NRXN1: variants seen among roughly 807,000 people sequenced by gnomAD.
The protein encoded by NRXN1 is neurexin-1.
In NRXN1, 39 loss-of-function variants were observed where a neutral mutation model predicts 150.9. The ratio of observed to expected loss-of-function variants is 0.26; its 90% CI spans 0.20 to 0.34. The LOEUF (loss-of-function observed/expected upper bound fraction) is 0.34. NRXN1 is among the 10% of genes least tolerant of loss of function. NRXN1 has a pLI of 1.00. For missense variants in NRXN1, 1,815 were observed against 1,949.9 expected (o/e 0.93, Z 1.30); for synonymous variants, 924 against 757.0 (o/e 1.22, Z -3.62).
At chr2:50,476,118 C>T (rs1431500675) in intron 15 of NRXN1, among the ~76,000 whole-genome samples, 2 of 152,106 alleles carry the variant, frequency 1.3e-5, no homozygotes, top group East Asian at 3.9e-4. Context: ...TGAATTGGGA[C>T]ACTTTCAGCA....
chr2:50,370,891 A>G (rs1051462021), intron 17 of NRXN1, among the ~76,000 whole-genome samples: 2 of 152,024 alleles, frequency 1.3e-5, no homozygotes, highest in Non-Finnish European at 2.9e-5. Flanking sequence ...TTTTGAGATT[A>G]CTAAAGACAG....
At chr2:50,533,461 AG>A (rs1379689175) in intron 10 of NRXN1, among the ~76,000 whole-genome samples, 1 of 152,098 alleles carries the variant, frequency 6.6e-6, no homozygotes, top group Non-Finnish European at 1.5e-5. Flanking sequence ...TCAGACCTAA[AG>A]CTTTCTGATT....
At chr2:49,948,603 T>C (rs1300948019) in intron 21 of NRXN1, among the ~76,000 whole-genome samples, 2 of 151,770 alleles carry the variant, frequency 1.3e-5, no homozygotes, top group Non-Finnish European at 2.9e-5. Flanking sequence ...GTGGCTCAAG[T>C]GTAGGGGAAG....
In NRXN1 at chr2:50,021,079, G is replaced by A. The variant is rs1266672145; in HGVS notation, c.4128+32192C>T. On this transcript the variant is annotated intron_variant, in intron 21 of 22. Transcript: ENST00000401669. ...CTTTTCTTAACTATTAATAGATAAT[G>A]TCAACTCTTGCCTAGCAGCTTCAAT... Among the ~76,000 whole-genome samples the A allele has an allele frequency of 3.3e-5, 5 of 152,278 alleles. No individual in the cohort carries two copies. In the South Asian group the frequency reaches 6.2e-4, roughly 19 times the overall value.
chr2:50,343,464 G>A (rs73930347), intron 17 of NRXN1, among the ~76,000 whole-genome samples: 5,066 of 130,122 alleles, frequency 0.039, 268 homozygotes, highest in African/African-American at 0.18. Context: ...TATTTAACTA[G>A]AAAAAAAAAA....
intron 5 of NRXN1, among the ~76,000 whole-genome samples, chr2:50,914,703 G>A (rs1340017001): frequency 6.6e-6 from 1 of 151,556 alleles, no homozygotes; most frequent in Non-Finnish European, 1.5e-5. Flanking sequence ...TGTTTTCGTT[G>A]ACTTTGTTTA....
chr2:50,931,884 TG>T (rs1437557275), intron 2 of NRXN1, among the ~76,000 whole-genome samples: 1 of 151,864 alleles, frequency 6.6e-6, no homozygotes, highest in Non-Finnish European at 1.5e-5. Flanking sequence ...TTTCTGGAGA[TG>T]GAGTCTCACT....
intron 18 of NRXN1, among the ~76,000 whole-genome samples, chr2:50,162,502 T>C (rs1415775525): frequency 6.6e-6 from 1 of 151,974 alleles, no homozygotes; most frequent in Admixed American, 6.6e-5. Context: ...AGAAAATCAA[T>C]AGCAACAGTG....
At chr2:50,192,432 T>C (rs1358522733) in intron 18 of NRXN1, among the ~76,000 whole-genome samples, 5 of 152,166 alleles carry the variant, frequency 3.3e-5, no homozygotes, top group Admixed American at 2.6e-4. Context: ...AAATACTATG[T>C]AGCAATTTAT....
intron 19 of NRXN1, among the ~76,000 whole-genome samples, chr2:50,069,936 C>T (rs942271140): frequency 1.3e-4 from 19 of 150,604 alleles, no homozygotes; most frequent in Non-Finnish European, 2.5e-4. Flanking sequence ...CTGCAAGCTC[C>T]ACCTCCCGAG....
chr2:50,202,421 G>C (rs2062240669), intron 18 of NRXN1, among the ~76,000 whole-genome samples: 1 of 152,092 alleles, frequency 6.6e-6, no homozygotes, highest in African/African-American at 2.4e-5. Flanking sequence ...CAGGAGAATT[G>C]CTTGAACATG....
chr2:50,258,229 A>G (rs570303677), intron 17 of NRXN1, among the ~76,000 whole-genome samples: 1 of 152,168 alleles, frequency 6.6e-6, no homozygotes, highest in East Asian at 1.9e-4. Flanking sequence ...GTTTGATAGC[A>G]TTTTAACCAC....
intron 17 of NRXN1, among the ~76,000 whole-genome samples, chr2:50,457,601 A>T (rs1321517432): frequency 1.3e-5 from 2 of 152,176 alleles, no homozygotes; most frequent in Non-Finnish European, 2.9e-5. Flanking sequence ...AAGAACTCAA[A>T]CAATTCAATC....
chr2:50,079,149 T>C (rs1300156372), intron 19 of NRXN1, among the ~76,000 whole-genome samples: 2 of 152,106 alleles, frequency 1.3e-5, no homozygotes, highest in African/African-American at 2.4e-5. Context: ...ATGTTTATTT[T>C]ACTCTTTTGG....
chr2:50,590,034 C>G (rs1306587180), intron 8 of NRXN1, among the ~76,000 whole-genome samples: 6 of 152,196 alleles, frequency 3.9e-5, no homozygotes, highest in Non-Finnish European at 8.8e-5. Context: ...TATGGAACAC[C>G]TGTCATGTGA....
At chr2:50,028,807 T>C (rs1324133716) in intron 21 of NRXN1, among the ~76,000 whole-genome samples, 2 of 152,374 alleles carry the variant, frequency 1.3e-5, no homozygotes, top group South Asian at 2.1e-4. Flanking sequence ...ACCTAGTTGC[T>C]TCTTTTCTGA....
intron 18 of NRXN1, among the ~76,000 whole-genome samples, chr2:50,218,490 C>CTTTTTTTTTTTTTTTTTTTTTTTT (rs34919769): frequency 1.5e-5 from 2 of 136,760 alleles, no homozygotes; most frequent in Non-Finnish European, 3.2e-5. Flanking sequence ...TTAGCACCTT[C>CTTTTTTTTTTTTTTTTTTTTTTTT]TTTTTTTTTT....
At position 50,369,531 on chromosome 2, in the gene NRXN1, G is replaced by C. The variant is rs548676841; in HGVS notation, c.3364+95911C>G. 2.6e-5 allele frequency among the ~76,000 whole-genome samples: 4 copies of C among 152,090 alleles called. No homozygotes were observed. The East Asian group carries it at 7.7e-4, about 29-fold the overall frequency. The stretch of plus-strand genomic sequence containing the variant: ...AATTTATAATGTGATGGTGTTACTT[G>C]TCTTCTATATTCTGGTAGAATCGAT... On this transcript the variant is annotated intron_variant, in intron 17 of 22. Transcript: ENST00000401669.
At chr2:50,051,510 A>G (rs1405753590) in intron 21 of NRXN1, among the ~76,000 whole-genome samples, 1 of 152,120 alleles carries the variant, frequency 6.6e-6, no homozygotes, top group Non-Finnish European at 1.5e-5. Context: ...TTCCTGTATC[A>G]GATTTACTGT....
Sources: allele counts gnomAD v4.1 joint callset (sites outside exome capture counted in the v4.1 genomes callset), GRCh38; gene constraint gnomAD v4.1.1; transcripts MANE v1.5; gene names NCBI Gene and HGNC (gene_info 2026-07-23, HGNC 2026-07-21).